ST18: variants seen among roughly 807,000 people sequenced by gnomAD.
ST18 encodes suppression of tumorigenicity 18 protein.
ST18 carries 50 observed loss-of-function variants against 110.0 expected under a neutral mutation model. That is an observed-to-expected ratio of 0.45 (90% CI 0.36 to 0.58). The LOEUF is 0.58. ST18 is among the 20% of genes least tolerant of loss of function. The pLI, the probability that ST18 is intolerant of heterozygous loss-of-function variation, is 0.00. For missense variants in ST18, 1,306 were observed against 1,280.1 expected (o/e 1.02, Z -0.31); for synonymous variants, 461 against 452.4 (o/e 1.02, Z -0.24).
chr8:52,179,502 A>C (rs2068462611), intron 9 of ST18, among the ~76,000 whole-genome samples: 1 of 152,206 alleles, frequency 6.6e-6, no homozygotes, highest in Admixed American at 6.5e-5. Context: ...TCTGAAGAAG[A>C]CTAGTCTGCC....
At chr8:52,252,027 GAT>G (rs2094336671) in intron 2 of ST18, among the ~76,000 whole-genome samples, 1 of 151,890 alleles carries the variant, frequency 6.6e-6, no homozygotes, top group African/African-American at 2.4e-5. Context: ...ATATTTTTTT[GAT>G]ATGTTTGTTC....
chr8:52,159,493 T>C (rs938615919), intron 14 of ST18, among the ~76,000 whole-genome samples: 1 of 152,184 alleles, frequency 6.6e-6, no homozygotes, highest in African/African-American at 2.4e-5. Flanking sequence ...ATTGGAAAAC[T>C]GCATATATGT....
At chr8:52,119,286 A>T (rs78681220) in intron 23 of ST18, among the ~76,000 whole-genome samples, 4,021 of 152,284 alleles carry the variant, frequency 0.026, 183 homozygotes, top group African/African-American at 0.09. Context: ...AAGGAGTATG[A>T]CTACATTTGA....
At chr8:52,231,727 G>A (rs1283507185) in intron 2 of ST18, among the ~76,000 whole-genome samples, 1 of 152,140 alleles carries the variant, frequency 6.6e-6, no homozygotes, top group African/African-American at 2.4e-5. Flanking sequence ...CGCCAGCCGC[G>A]GCCTCCCAAG....
chr8:52,315,925 C>T (rs947526110), intron 2 of ST18, among the ~76,000 whole-genome samples: 17 of 152,254 alleles, frequency 1.1e-4, no homozygotes, highest in African/African-American at 3.4e-4. Flanking sequence ...ATTATACTAA[C>T]GTTTGACATT....
chr8:52,402,095 C>G (rs990014800), intron 2 of ST18, among the ~76,000 whole-genome samples: 1 of 152,098 alleles, frequency 6.6e-6, no homozygotes, highest in Non-Finnish European at 1.5e-5. Flanking sequence ...GTGTCTTCGG[C>G]TGTAGGAGTT....
chr8:52,153,514 A>G (rs1279452769), intron 15 of ST18, among the ~76,000 whole-genome samples: 1 of 152,248 alleles, frequency 6.6e-6, no homozygotes, highest in Admixed American at 6.5e-5. Context: ...TGAAATGAAA[A>G]TATCTTACTC....
chr8:52,149,823 G>T lies in ST18; in HGVS notation c.1961C>A (p.Ala654Glu). 1 of 1,614,166 alleles carries T rather than the reference G, an allele frequency of 6.2e-7. No individual in the cohort carries two copies. The highest frequency in any genetic ancestry group is 8.5e-7 in the Non-Finnish European group (1 of 1,180,018). Reference protein sequence around the residue: ...PFKTSSILVNAAFYQALCDQE... With the variant: ...PFKTSSILVNEAFYQALCDQE... ...GTCACAAAGAGCCTGATAGAATGCTGCATTGACCAGAATGCTGCTTGTTTT... is the reference window on the plus strand; with the variant it reads ...GTCACAAAGAGCCTGATAGAATGCTTCATTGACCAGAATGCTGCTTGTTTT... Residue 654 changes from alanine (A) to glutamate (E), a missense_variant, in exon 16 of 26, where the codon GCA (alanine) becomes GAA (glutamate). Transcript: ENST00000689386.
intron 9 of ST18, among the ~76,000 whole-genome samples, chr8:52,175,284 C>A (rs1034397860): frequency 2.6e-5 from 4 of 152,122 alleles, no homozygotes; most frequent in Non-Finnish European, 5.9e-5. Context: ...TTCTATGCAA[C>A]CTTTATCATA....
intron 2 of ST18, among the ~76,000 whole-genome samples, chr8:52,327,349 G>A (rs1806979047): frequency 6.6e-6 from 1 of 152,200 alleles, no homozygotes; most frequent in Non-Finnish European, 1.5e-5. Context: ...GGTCAGCCCT[G>A]CTCTTTCTTG....
At chr8:52,231,650 T>C (rs1243139443) in intron 2 of ST18, among the ~76,000 whole-genome samples, 1 of 152,214 alleles carries the variant, frequency 6.6e-6, no homozygotes, top group African/African-American at 2.4e-5. Context: ...TGAATTTTTG[T>C]ATTTTTAGTA....
At chr8:52,344,563 A>G (rs1816807699) in intron 2 of ST18, among the ~76,000 whole-genome samples, 1 of 151,852 alleles carries the variant, frequency 6.6e-6, no homozygotes, top group Non-Finnish European at 1.5e-5. Context: ...ACCTCGCTCC[A>G]CTAATTTTTG....
At chr8:52,194,727 A>G (rs900568664) in intron 8 of ST18, 1 of 152,234 alleles carries the variant, frequency 6.6e-6, no homozygotes, top group African/African-American at 2.4e-5. Context: ...GTCAAAGAAG[A>G]GACAAGAAGT....
intron 10 of ST18, among the ~76,000 whole-genome samples, chr8:52,168,714 C>A (rs2063815694): frequency 6.6e-6 from 1 of 152,104 alleles, no homozygotes; most frequent in Admixed American, 6.5e-5. Context: ...CGTGTCGATA[C>A]TATTCTCTCT....
At chr8:52,387,959 C>G (rs999830300) in intron 2 of ST18, among the ~76,000 whole-genome samples, 1 of 151,264 alleles carries the variant, frequency 6.6e-6, no homozygotes, top group African/African-American at 2.4e-5. Context: ...CCTCCCCACC[C>G]CCCCGCCCCA....
intron 9 of ST18, among the ~76,000 whole-genome samples, chr8:52,176,924 C>G (rs13280582): frequency 0.045 from 6,918 of 152,236 alleles, 221 homozygotes; most frequent in Non-Finnish European, 0.07. Flanking sequence ...GGAATAAAAG[C>G]CTTGGAAAAA....
chr8:52,170,008 C>T (rs1292192079), intron 10 of ST18, among the ~76,000 whole-genome samples: 1 of 152,152 alleles, frequency 6.6e-6, no homozygotes. Context: ...TAAGGATCAT[C>T]AAATACTTTA....
chr8:52,147,359 G>A (rs1285994350), intron 16 of ST18, among the ~76,000 whole-genome samples: 3 of 152,156 alleles, frequency 2.0e-5, no homozygotes, highest in Non-Finnish European at 4.4e-5. Flanking sequence ...CTTTCTGGGT[G>A]ATAAGAACTG....
chr8:52,268,277 G>A (rs2094938406), intron 2 of ST18, among the ~76,000 whole-genome samples: 1 of 152,152 alleles, frequency 6.6e-6, no homozygotes, highest in African/African-American at 2.4e-5. Flanking sequence ...ACTGTACTAA[G>A]TATTGACAAA....
Sources: gnomAD v4.1 joint callset for allele counts (sites outside exome capture counted in the v4.1 genomes callset) on GRCh38, gnomAD v4.1.1 for gene constraint, MANE v1.5 for transcripts, NCBI Gene and HGNC (gene_info 2026-07-23, HGNC 2026-07-21) for gene names.